TRIM2: variants seen among roughly 807,000 people sequenced by gnomAD.
The protein encoded by TRIM2 is tripartite motif-containing protein 2.
A neutral mutation model predicts 75.2 loss-of-function variants in TRIM2; 20 were observed. That is an observed-to-expected ratio of 0.27 (90% CI 0.19 to 0.39). TRIM2 has a LOEUF of 0.39. TRIM2 is among the 10% of genes least tolerant of loss of function. TRIM2 has a pLI of 1.00. For missense variants in TRIM2, 660 were observed against 990.8 expected (o/e 0.67, Z 4.48); for synonymous variants, 373 against 388.3 (o/e 0.96, Z 0.46).
intron 1 of TRIM2, among the ~76,000 whole-genome samples, chr4:153,172,936 T>C (rs531819605): frequency 1.3e-5 from 2 of 152,250 alleles, no homozygotes; most frequent in East Asian, 1.9e-4. Context: ...GAAGGGCTCC[T>C]TGGGGCCACA....
chr4:153,230,358 T>C (rs1345258476), intron 1 of TRIM2, among the ~76,000 whole-genome samples: 4 of 152,136 alleles, frequency 2.6e-5, no homozygotes, highest in Non-Finnish European at 5.9e-5. Context: ...TTTTTGTATA[T>C]TTTTTGCAGG....
chr4:153,231,964 C>T (rs1000458080), intron 1 of TRIM2, among the ~76,000 whole-genome samples: 1 of 152,090 alleles, frequency 6.6e-6, no homozygotes, highest in Non-Finnish European at 1.5e-5. Context: ...ACATGATGCT[C>T]AAAGGAAATG....
intron 1 of TRIM2, among the ~76,000 whole-genome samples, chr4:153,186,928 A>G (rs1732662446): frequency 6.6e-6 from 1 of 152,202 alleles, no homozygotes; most frequent in South Asian, 2.1e-4. Flanking sequence ...AGAAAAAGCA[A>G]TTGCTTCCAA....
In TRIM2 at chr4:153,286,116, T is replaced by C. The variant is rs543854939; in HGVS notation, c.454-6866T>C. Among the ~76,000 whole-genome samples the C allele has an allele frequency of 7.9e-5, 12 of 152,356 alleles. No homozygotes were observed. The East Asian group carries it at 2.3e-3, about 29-fold the overall frequency. On this transcript the variant is annotated intron_variant, in intron 3 of 11. Transcript: ENST00000338700. ...TGAGTTTTTTCTTTCATTCTATTAA[T>C]GTGATGTATTACATACAGTAATTTG...
At chr4:153,263,657 C>A (rs1042151207) in intron 1 of TRIM2, among the ~76,000 whole-genome samples, 4 of 152,116 alleles carry the variant, frequency 2.6e-5, no homozygotes, top group African/African-American at 9.7e-5. Flanking sequence ...CATAGTATGT[C>A]GGAAGGCTTA....
At chr4:153,279,764 A>G (rs973207029) in intron 3 of TRIM2, among the ~76,000 whole-genome samples, 5 of 151,974 alleles carry the variant, frequency 3.3e-5, no homozygotes, top group Admixed American at 6.6e-5. Context: ...CCAACATGGT[A>G]AAACTCTGTC....
rs1772692016 is a variant in TRIM2 at position 153,338,316 on chromosome 4, A to T, written c.*3350A>T. The T allele has an allele frequency of 1.0e-6, 1 of 985,862 alleles. No homozygotes were observed. Among genetic ancestry groups the T allele is most frequent in the Non-Finnish European group, 1.2e-6 (1 of 829,934 alleles). 61.1% of individuals were successfully genotyped at this position (985,862 alleles called of 1,614,324 possible). A position where few individuals can be genotyped will look rare whatever the true frequency, so the allele number is the denominator to read the frequency against. ...TAATCTGCAGATTACTTCAAATGGG[A>T]AAAATCTTTTTGTAGACTCTATAGT... is the stretch of plus-strand genomic sequence containing the variant. On this transcript the variant is annotated 3_prime_UTR_variant, in exon 12 of 12. Transcript: ENST00000338700.
At chr4:153,319,632 A>G (rs1470950436) in intron 8 of TRIM2, among the ~76,000 whole-genome samples, 1 of 152,080 alleles carries the variant, frequency 6.6e-6, no homozygotes, top group African/African-American at 2.4e-5. Flanking sequence ...CGGGAGGCTG[A>G]GGCAGGAGGA....
chr4:153,294,797 C>G (rs1259327202), intron 5 of TRIM2, among the ~76,000 whole-genome samples: 1 of 152,146 alleles, frequency 6.6e-6, no homozygotes, highest in Non-Finnish European at 1.5e-5. Flanking sequence ...CTTAATTGCT[C>G]TCTCACCCAC....
intron 1 of TRIM2, among the ~76,000 whole-genome samples, chr4:153,239,696 G>A (rs928772320): frequency 1.3e-5 from 2 of 152,002 alleles, no homozygotes; most frequent in Admixed American, 1.3e-4. Flanking sequence ...TGCCTTTCTT[G>A]TTCTCCTTTC....
At chr4:153,323,630 TG>T (rs1421546122) in intron 9 of TRIM2, among the ~76,000 whole-genome samples, 1 of 152,118 alleles carries the variant, frequency 6.6e-6, no homozygotes, top group Admixed American at 6.6e-5. Flanking sequence ...TACAGGCATG[TG>T]CCACCATGTC....
intron 2 of TRIM2, among the ~76,000 whole-genome samples, chr4:153,272,359 A>G (rs1399914417): frequency 6.6e-6 from 1 of 152,214 alleles, no homozygotes; most frequent in Non-Finnish European, 1.5e-5. Flanking sequence ...TGTGTTAGCC[A>G]GAATGGTCTT....
chr4:153,213,188 T>C (rs1246032867), intron 1 of TRIM2, among the ~76,000 whole-genome samples: 14 of 152,190 alleles, frequency 9.2e-5, no homozygotes, highest in Non-Finnish European at 1.6e-4. Flanking sequence ...GAGGCTCAGA[T>C]TGTTGAGAAA....
chr4:153,249,255 A>T (rs1009816582), intron 1 of TRIM2, among the ~76,000 whole-genome samples: 10 of 152,112 alleles, frequency 6.6e-5, no homozygotes, highest in Admixed American at 6.5e-4. Context: ...GGTGGAGGGG[A>T]CCCGCCTTCT....
upstream of TRIM2, among the ~76,000 whole-genome samples, chr4:153,202,468 G>A (rs752913979): frequency 1.4e-4 from 22 of 152,022 alleles, no homozygotes; most frequent in East Asian, 1.9e-4. Context: ...AGGCCAAGGC[G>A]GGCAGATCAC....
intron 1 of TRIM2, among the ~76,000 whole-genome samples, chr4:153,268,841 T>C (rs1755937792): frequency 6.6e-6 from 1 of 152,206 alleles, no homozygotes; most frequent in Non-Finnish European, 1.5e-5. Flanking sequence ...TCTGAATTAA[T>C]TCACTTCACC....
At chr4:153,325,684 A>G (rs1365397053) in intron 10 of TRIM2, among the ~76,000 whole-genome samples, 1 of 152,250 alleles carries the variant, frequency 6.6e-6, no homozygotes, top group African/African-American at 2.4e-5. Context: ...CCCATATGAG[A>G]TCCTAATAGT....
At chr4:153,239,468 C>A (rs1249027273) in intron 1 of TRIM2, among the ~76,000 whole-genome samples, 2 of 149,780 alleles carry the variant, frequency 1.3e-5, no homozygotes, top group African/African-American at 4.9e-5. Context: ...TCTTTCTATT[C>A]CTTTCTAACT....
chr4:153,244,293 TCCTCCTCCTCCTCCTCC>T (rs1725896609), intron 1 of TRIM2, among the ~76,000 whole-genome samples: 2 of 35,218 alleles, frequency 5.7e-5, no homozygotes, highest in Admixed American at 3.5e-4. Flanking sequence ...CTCCTCCTCC[TCCTCCTCCTCCTCCTCC>T]TCCTCCTCCT....
Sources: allele counts gnomAD v4.1 joint callset (sites outside exome capture counted in the v4.1 genomes callset), GRCh38; gene constraint gnomAD v4.1.1; transcripts MANE v1.5; gene names NCBI Gene and HGNC (gene_info 2026-07-23, HGNC 2026-07-21).